Variants in RBPJ observed in about 807,000 individuals in gnomAD.
The protein encoded by RBPJ is recombining binding protein suppressor of hairless.
RBPJ carries 9 observed loss-of-function variants against 67.8 expected under a neutral mutation model. The ratio of observed to expected loss-of-function variants is 0.13; its 90% CI spans 0.08 to 0.23. RBPJ has a LOEUF of 0.23. Ranked by LOEUF, RBPJ falls within the 10% of genes least tolerant of loss-of-function variation. The pLI, the probability that RBPJ is intolerant of heterozygous loss-of-function variation, is 1.00. For synonymous variants in RBPJ, 198 were observed against 203.3 expected (o/e 0.97, Z 0.22); for missense variants, 305 against 595.6 (o/e 0.51, Z 5.08).
intron 1 of RBPJ, among the ~76,000 whole-genome samples, chr4:26,331,327 T>A (rs1342231387): frequency 6.6e-6 from 1 of 152,080 alleles, no homozygotes; most frequent in Admixed American, 6.5e-5. Flanking sequence ...GCTTAAGGGA[T>A]CTGCCGGCCT....
In RBPJ at chr4:26,426,601, T is replaced by C. The variant is rs147345584; in HGVS notation, c.747+1858T>C. Among the ~76,000 whole-genome samples, 913 of 152,286 alleles carry C rather than the reference T, an allele frequency of 6.0e-3. 13 individuals are homozygous for C. The highest frequency in any genetic ancestry group is 0.021 in the African/African-American group (871 of 41,560). ...GATAGAGTGATAAGCCAAATACCCA[T>C]GTAAAGGATTTATGTAGTGATGAAA... On this transcript the variant is annotated intron_variant, in intron 7 of 10. Coordinates refer to ENST00000355476, the MANE Select transcript of RBPJ (RefSeq NM_015874.6).
chr4:26,251,516 T>TC (rs1300371214), intron 1 of RBPJ, among the ~76,000 whole-genome samples: 1 of 151,090 alleles, frequency 6.6e-6, no homozygotes, highest in Non-Finnish European at 1.5e-5. Context: ...GCTCCTGTAA[T>TC]CCCAGCTACC....
At chr4:26,394,419 C>T (rs1179429346) in intron 2 of RBPJ, among the ~76,000 whole-genome samples, 1 of 150,852 alleles carries the variant, frequency 6.6e-6, no homozygotes, top group African/African-American at 2.4e-5. Context: ...GTCCCAATCT[C>T]TTGAAATACT....
intron 1 of RBPJ, among the ~76,000 whole-genome samples, chr4:26,182,794 G>A (rs28773281): frequency 0.026 from 3,990 of 152,114 alleles, 186 homozygotes; most frequent in African/African-American, 0.091. Context: ...CCACCACCCG[G>A]CTTACTTTTT....
At chr4:26,397,622 G>A (rs543149136) in intron 2 of RBPJ, among the ~76,000 whole-genome samples, 2 of 151,968 alleles carry the variant, frequency 1.3e-5, no homozygotes, top group Non-Finnish European at 2.9e-5. Flanking sequence ...TCTCTGTTTT[G>A]TAACTCTTTT....
At chr4:26,241,241 A>G (rs139115347) in intron 1 of RBPJ, among the ~76,000 whole-genome samples, 15 of 152,040 alleles carry the variant, frequency 9.9e-5, no homozygotes, top group Non-Finnish European at 8.8e-5. Flanking sequence ...TTTCCACCAC[A>G]CAGATAAAAG....
intron 1 of RBPJ, among the ~76,000 whole-genome samples, chr4:26,191,248 G>C (rs1410815428): frequency 7.4e-6 from 1 of 135,340 alleles, no homozygotes; most frequent in South Asian, 2.3e-4. Context: ...GAGATAGAGA[G>C]AGAGAGAGGG....
At chr4:26,200,698 A>G (rs140767376) in intron 1 of RBPJ, among the ~76,000 whole-genome samples, 112 of 151,946 alleles carry the variant, frequency 7.4e-4, no homozygotes, top group African/African-American at 2.2e-3. Context: ...AATCAGATCC[A>G]ATGCCCACTG....
chr4:26,195,801 G>A (rs1717740174), intron 1 of RBPJ, among the ~76,000 whole-genome samples: 1 of 152,110 alleles, frequency 6.6e-6, no homozygotes, highest in African/African-American at 2.4e-5. Context: ...TCACCATGTT[G>A]GTCAGGCTGG....
intron 2 of RBPJ, among the ~76,000 whole-genome samples, chr4:26,387,243 A>G (rs1731009693): frequency 6.6e-6 from 1 of 152,178 alleles, no homozygotes; most frequent in African/African-American, 2.4e-5. Context: ...TTACACTTAA[A>G]GAACGATGGG....
intron 1 of RBPJ, among the ~76,000 whole-genome samples, chr4:26,224,237 A>G (rs1719010320): frequency 6.6e-6 from 1 of 151,928 alleles, no homozygotes; most frequent in African/African-American, 2.4e-5. Context: ...AGAACACAAG[A>G]TTCTTTTTTT....
upstream of RBPJ, chr4:26,320,646 C>T: frequency 2.2e-6 from 3 of 1,347,254 alleles, no homozygotes; most frequent in Non-Finnish European, 2.0e-6. Context: ...TCGGCCCCGC[C>T]TCCTGACCCC....
upstream of RBPJ, chr4:26,319,596 G>GCAA: frequency 1.8e-6 from 1 of 561,120 alleles, no homozygotes; most frequent in Non-Finnish European, 3.2e-6. Context: ...GAAAGCTTAG[G>GCAA]CAACAGGGGC....
rs1156606600 is a variant in RBPJ at position 26,381,055 on chromosome 4, A to G, written c.21-5298A>G. ...TTTTTTTGGTAGCAGTGTAATTACT[A>G]TATTTTTCTGTATTCAAGAAAGTTT... On this transcript the variant is annotated intron_variant, in intron 1 of 10. Coordinates refer to ENST00000355476, the MANE Select transcript of RBPJ (RefSeq NM_015874.6). Among the ~76,000 whole-genome samples the G allele has an allele frequency of 6.5e-5, 8 of 122,944 alleles. No homozygotes were observed. In the East Asian group the frequency reaches 6.9e-4, roughly 11 times the overall value. 80.7% of individuals were successfully genotyped at this position (122,944 alleles called of 152,430 possible).
chr4:26,351,305 A>G (rs1431348015), intron 1 of RBPJ, among the ~76,000 whole-genome samples: 1 of 152,188 alleles, frequency 6.6e-6, no homozygotes, highest in Non-Finnish European at 1.5e-5. Flanking sequence ...GAAGGCAAAT[A>G]TTCATACTAA....
intron 1 of RBPJ, among the ~76,000 whole-genome samples, chr4:26,301,859 C>T (rs1722088898): frequency 6.6e-6 from 1 of 151,890 alleles, no homozygotes; most frequent in Non-Finnish European, 1.5e-5. Context: ...GTGGCGCAAC[C>T]TTGGCTCACT....
chr4:26,333,782 C>T (rs1273748206), intron 1 of RBPJ, among the ~76,000 whole-genome samples: 1 of 152,074 alleles, frequency 6.6e-6, no homozygotes, highest in Admixed American at 6.5e-5. Context: ...CTCGACCTCC[C>T]AGGCTCAAGT....
At chr4:26,255,630 G>A (rs1471920447) in intron 1 of RBPJ, among the ~76,000 whole-genome samples, 48 of 149,122 alleles carry the variant, frequency 3.2e-4, no homozygotes, top group Non-Finnish European at 4.9e-4. Context: ...GTGAAACCCC[G>A]TCTCTACTAA....
At chr4:26,401,309 G>A (rs1342019978) in intron 2 of RBPJ, among the ~76,000 whole-genome samples, 1 of 152,150 alleles carries the variant, frequency 6.6e-6, no homozygotes, top group East Asian at 1.9e-4. Flanking sequence ...ATCACTAACG[G>A]TATGATTTTG....
Sources: allele counts gnomAD v4.1 joint callset (sites outside exome capture counted in the v4.1 genomes callset), GRCh38; gene constraint gnomAD v4.1.1; transcripts MANE v1.5; gene names NCBI Gene and HGNC (gene_info 2026-07-23, HGNC 2026-07-21).